LRRTM3: variants seen among roughly 807,000 people sequenced by gnomAD.
The protein encoded by LRRTM3 is leucine-rich repeat transmembrane neuronal protein 3.
Under a neutral mutation model 44.7 loss-of-function variants are expected in LRRTM3, and 24 were observed. That is an observed-to-expected ratio of 0.54 (90% CI 0.39 to 0.76). The LOEUF (loss-of-function observed/expected upper bound fraction) is 0.76. Among genes scored for constraint, LRRTM3 ranks in the 30% least tolerant of loss-of-function variants. The probability of loss-of-function intolerance (pLI) is 0.00; values close to 1 mark genes in which losing one functional copy is unlikely to be tolerated. For missense variants in LRRTM3, 587 were observed against 702.2 expected (o/e 0.84, Z 1.85); for synonymous variants, 277 against 278.7 (o/e 0.99, Z 0.06).
rs1284606581 is a variant in LRRTM3, at chr10:67,043,131, C to CTTTTTTTTT, written c.1537-54453_1537-54452insTTTTTTTTT. On this transcript the variant is annotated intron_variant, in intron 2 of 2. Transcript: ENST00000361320. ...GATTTCATGCCTCAAGGCTCACTTT[C>CTTTTTTTTT]TTTCTTTTTTTTTTTTTTTTTCTGT... 3.3e-5 allele frequency among the ~76,000 whole-genome samples: 2 copies of CTTTTTTTTT among 60,210 alleles called. 1 individual carries two copies. 39.5% of individuals were successfully genotyped at this position (60,210 alleles called of 152,430 possible).
At chr10:66,978,083 CACACACACAT>C (rs1478834933) in intron 2 of LRRTM3, among the ~76,000 whole-genome samples, 8 of 151,620 alleles carry the variant, frequency 5.3e-5, no homozygotes, top group African/African-American at 1.5e-4. Context: ...CACACACACA[CACACACACAT>C]GCGATGACGT....
chr10:67,051,047 C>T (rs971297114), intron 2 of LRRTM3, among the ~76,000 whole-genome samples: 3 of 152,098 alleles, frequency 2.0e-5, no homozygotes, highest in Non-Finnish European at 4.4e-5. Flanking sequence ...TTTTCAAGAA[C>T]CTTACAATAT....
intron 2 of LRRTM3, among the ~76,000 whole-genome samples, chr10:66,995,114 G>A (rs1050760755): frequency 6.6e-6 from 1 of 152,092 alleles, no homozygotes; most frequent in African/African-American, 2.4e-5. Flanking sequence ...TTCCTCTGAG[G>A]TGTCATTGCT....
At chr10:67,072,419 C>T (rs1856514048) in intron 2 of LRRTM3, among the ~76,000 whole-genome samples, 1 of 152,116 alleles carries the variant, frequency 6.6e-6, no homozygotes, top group Admixed American at 6.5e-5. Flanking sequence ...CATGTAGTTT[C>T]ACCTATTTGT....
chr10:67,089,717 ATGTGTGTGTG>A lies in LRRTM3; in HGVS notation c.1537-7843_1537-7834del, dbSNP rs71006125. ...AGAGTATACATATGTGTATATACAT[ATGTGTGTGTG>A]TGTGTGTGTGTGTGTGTGTGTGTGT... On this transcript the variant is annotated intron_variant, in intron 2 of 2. Coordinates refer to ENST00000361320, the MANE Select transcript of LRRTM3 (RefSeq NM_178011.5). 5.3e-3 allele frequency among the ~76,000 whole-genome samples: 767 copies of A among 144,736 alleles called. 5 individuals carry two copies. The highest frequency in any genetic ancestry group is 0.018 in the African/African-American group (723 of 39,364). The allele number at this position is 144,736 out of a possible 152,430, so 95.0% of individuals were successfully genotyped here.
intron 2 of LRRTM3, among the ~76,000 whole-genome samples, chr10:67,071,709 T>C (rs1589695817): frequency 1.3e-5 from 2 of 152,218 alleles, no homozygotes; most frequent in East Asian, 3.8e-4. Flanking sequence ...TCTCCCCGTG[T>C]ATTCTCTCCT....
chr10:66,929,095 A>G (rs984151180), intron 2 of LRRTM3, among the ~76,000 whole-genome samples: 2 of 152,236 alleles, frequency 1.3e-5, no homozygotes, highest in Non-Finnish European at 2.9e-5. Flanking sequence ...GGGTTAAAAT[A>G]CTGCAAGCAG....
At chr10:67,075,182 A>ACACACACACACG (rs1564873847) in intron 2 of LRRTM3, among the ~76,000 whole-genome samples, 1 of 152,032 alleles carries the variant, frequency 6.6e-6, no homozygotes, top group Non-Finnish European at 1.5e-5. Flanking sequence ...ACACACACAC[A>ACACACACACACG]CACACACTCA....
intron 2 of LRRTM3, among the ~76,000 whole-genome samples, chr10:67,082,084 A>G (rs1857085762): frequency 6.6e-6 from 1 of 152,234 alleles, no homozygotes; most frequent in African/African-American, 2.4e-5. Flanking sequence ...TGCAGATTGC[A>G]GTCAGCATTC....
chr10:67,010,487 T>G (rs1852248473), intron 2 of LRRTM3, among the ~76,000 whole-genome samples: 1 of 152,188 alleles, frequency 6.6e-6, no homozygotes, highest in African/African-American at 2.4e-5. Flanking sequence ...GCTTATCACC[T>G]CATAGTCCCC....
intron 2 of LRRTM3, among the ~76,000 whole-genome samples, chr10:66,937,490 G>A (rs189187058): frequency 2.0e-5 from 3 of 152,126 alleles, no homozygotes; most frequent in Admixed American, 1.3e-4. Context: ...ACCACAATGC[G>A]CTTTGAAAGT....
At chr10:67,044,479 G>A (rs956682227) in intron 2 of LRRTM3, among the ~76,000 whole-genome samples, 1 of 152,094 alleles carries the variant, frequency 6.6e-6, no homozygotes, top group Admixed American at 6.5e-5. Flanking sequence ...AAATTTAAAT[G>A]CAATGTTAGA....
At chr10:67,062,633 A>G (rs1346652102) in intron 2 of LRRTM3, among the ~76,000 whole-genome samples, 3 of 152,100 alleles carry the variant, frequency 2.0e-5, no homozygotes, top group Non-Finnish European at 4.4e-5. Context: ...TTTACCTAAC[A>G]TTCTTCTTTG....
Position 66,997,528 on chromosome 10 carries a change from T to G in LRRTM3, c.1536+69076T>G, listed in dbSNP as rs540936390. ...CTGTTCATAAGCTCTGGTAAAACTT[T>G]TAGATCCCTGCTATTTAGTAAATCT... On this transcript the variant is annotated intron_variant, in intron 2 of 2. Coordinates refer to ENST00000361320, the MANE Select transcript of LRRTM3 (RefSeq NM_178011.5). 3.3e-5 allele frequency among the ~76,000 whole-genome samples: 5 copies of G among 152,314 alleles called. No homozygotes were observed. The South Asian group carries it at 1.0e-3, about 32-fold the overall frequency.
intron 2 of LRRTM3, among the ~76,000 whole-genome samples, chr10:67,023,712 C>T (rs1853173292): frequency 6.6e-6 from 1 of 152,158 alleles, no homozygotes; most frequent in Non-Finnish European, 1.5e-5. Flanking sequence ...TACTAATCTT[C>T]TTACAAAGAC....
intron 2 of LRRTM3, among the ~76,000 whole-genome samples, chr10:67,066,010 G>A (rs1397502696): frequency 1.3e-5 from 2 of 151,840 alleles, no homozygotes; most frequent in Non-Finnish European, 2.9e-5. Flanking sequence ...AATATTATTA[G>A]AAATAATAAT....
rs367976356 is a variant in LRRTM3 at position 66,926,541 on chromosome 10, C to G, written c.-43C>G. The G allele has an allele frequency of 6.2e-7, 1 of 1,612,854 alleles. No homozygotes were observed. The highest frequency in any genetic ancestry group is 8.5e-7 in the Non-Finnish European group (1 of 1,179,560). ...GGCTGTCATGCAACTGGCCCCTAAG[C>G]CAAAGCAAAAGACCTAAGGACGACC... On this transcript the variant is annotated 5_prime_UTR_variant, in exon 1 of 3. Coordinates refer to ENST00000361320, the MANE Select transcript of LRRTM3 (RefSeq NM_178011.5).
At chr10:66,965,835 G>A (rs1048530909) in intron 2 of LRRTM3, among the ~76,000 whole-genome samples, 1 of 152,052 alleles carries the variant, frequency 6.6e-6, no homozygotes. Flanking sequence ...TCTATGTTAA[G>A]TGAAAATAAT....
rs371119630 is a variant in LRRTM3 at position 66,962,066 on chromosome 10, GAAGT to G, written c.1536+33618_1536+33621del. Among the ~76,000 whole-genome samples, 1,122 of 152,214 alleles carry G rather than the reference GAAGT, an allele frequency of 7.4e-3. 6 individuals are homozygous for G. The highest frequency in any genetic ancestry group is 0.024 in the Middle Eastern group (7 of 294). On this transcript the variant is annotated intron_variant, in intron 2 of 2. Transcript: ENST00000361320. ...ACCGTTATTCCTGTCTTGGTTTATT[GAAGT>G]AAGGCTTCCACCTTCACCTCATCTC...
Sources: allele counts gnomAD v4.1 joint callset (sites outside exome capture counted in the v4.1 genomes callset), GRCh38; gene constraint gnomAD v4.1.1; transcripts MANE v1.5; gene names NCBI Gene and HGNC (gene_info 2026-07-23, HGNC 2026-07-21).